Variants in COBLL1 observed in about 807,000 individuals in gnomAD.
COBLL1 encodes cordon-bleu protein-like 1.
COBLL1 carries 50 observed loss-of-function variants against 94.8 expected under a neutral mutation model. That is an observed-to-expected ratio of 0.53 (90% CI 0.42 to 0.67). The LOEUF is 0.67. Among genes scored for constraint, COBLL1 ranks in the 30% least tolerant of loss-of-function variants. The pLI is 0.00. For missense variants in COBLL1, 1,362 were observed against 1,348.7 expected (o/e 1.01, Z -0.15); for synonymous variants, 448 against 473.8 (o/e 0.95, Z 0.71).
chr2:164,814,119 A>C (rs146866689), intron 2 of COBLL1, among the ~76,000 whole-genome samples: 21 of 152,326 alleles, frequency 1.4e-4, no homozygotes, highest in African/African-American at 4.8e-4. Flanking sequence ...ATATAATTTA[A>C]ATAGATGAAT....
intron 1 of COBLL1, among the ~76,000 whole-genome samples, chr2:164,669,264 G>C (rs528289251): frequency 1.3e-5 from 2 of 151,942 alleles, no homozygotes; most frequent in Non-Finnish European, 2.9e-5. Flanking sequence ...AATATTATGC[G>C]GGAATAAATA....
intron 2 of COBLL1, among the ~76,000 whole-genome samples, chr2:164,783,185 T>G: frequency 6.6e-6 from 1 of 152,138 alleles, no homozygotes; most frequent in Non-Finnish European, 1.5e-5. Flanking sequence ...GAGAATCAGT[T>G]GAGCCCAGGA....
intron 2 of COBLL1, among the ~76,000 whole-genome samples, chr2:164,829,359 A>G (rs966607033): frequency 2.0e-5 from 3 of 152,148 alleles, no homozygotes; most frequent in Non-Finnish European, 4.4e-5. Flanking sequence ...TTCTTCTACC[A>G]TCAGAAACTG....
chr2:164,806,061 A>T (rs1243110564), intron 2 of COBLL1, among the ~76,000 whole-genome samples: 1 of 152,048 alleles, frequency 6.6e-6, no homozygotes, highest in Non-Finnish European at 1.5e-5. Context: ...CAATTTCTTA[A>T]ATGTTTTTAT....
intron 9 of COBLL1, among the ~76,000 whole-genome samples, chr2:164,703,418 T>C (rs1684420519): frequency 1.3e-5 from 2 of 152,220 alleles, no homozygotes; most frequent in African/African-American, 4.8e-5. Context: ...CACTCCTTTT[T>C]ATAATATTTC....
chr2:164,730,764 G>C (rs1265518228), intron 3 of COBLL1, among the ~76,000 whole-genome samples: 1 of 152,150 alleles, frequency 6.6e-6, no homozygotes, highest in East Asian at 1.9e-4. Flanking sequence ...AACATTGGCA[G>C]TCTTTAGCTT....
At chr2:164,706,029 C>T (rs768929832) in intron 7 of COBLL1, among the ~76,000 whole-genome samples, 2 of 152,042 alleles carry the variant, frequency 1.3e-5, no homozygotes, top group Admixed American at 6.6e-5. Context: ...AGTGAAACTC[C>T]ATCTTGAAAA....
At chr2:164,769,918 T>C (rs1453122958) in intron 2 of COBLL1, among the ~76,000 whole-genome samples, 1 of 152,146 alleles carries the variant, frequency 6.6e-6, no homozygotes, top group African/African-American at 2.4e-5. Flanking sequence ...ATAAAAAGTC[T>C]CAAATGTTAC....
At chr2:164,768,907 C>T (rs1179962019) in intron 2 of COBLL1, among the ~76,000 whole-genome samples, 1 of 152,050 alleles carries the variant, frequency 6.6e-6, no homozygotes, top group Non-Finnish European at 1.5e-5. Flanking sequence ...TAAATGTTTC[C>T]ATACAAGCAA....
chr2:164,838,668 G>C (rs1488897806), intron 2 of COBLL1, among the ~76,000 whole-genome samples: 1 of 152,114 alleles, frequency 6.6e-6, no homozygotes, highest in East Asian at 1.9e-4. Context: ...ATAAAATGTG[G>C]AGAACAAAAC....
At chr2:164,833,182 C>T (rs987355066) in intron 2 of COBLL1, among the ~76,000 whole-genome samples, 5 of 151,868 alleles carry the variant, frequency 3.3e-5, no homozygotes, top group African/African-American at 1.2e-4. Context: ...AGCTGGACAA[C>T]ATCTCTCCAA....
chr2:164,833,449 A>ATTT (rs371370712), intron 2 of COBLL1, among the ~76,000 whole-genome samples: 3,288 of 138,470 alleles, frequency 0.024, 150 homozygotes, highest in African/African-American at 0.084. Context: ...CTGCCTTTAC[A>ATTT]TTTTTTTTTT....
intron 11 of COBLL1, chr2:164,697,099 C>A (rs1398650891): frequency 6.6e-6 from 1 of 152,082 alleles, no homozygotes; most frequent in Non-Finnish European, 1.5e-5. Context: ...AGAAAAATAT[C>A]ATGTTAGGTA....
chr2:164,780,644 C>T (rs941175638), intron 2 of COBLL1, among the ~76,000 whole-genome samples: 5 of 152,128 alleles, frequency 3.3e-5, no homozygotes, highest in African/African-American at 2.4e-5. Flanking sequence ...ATCACCACAG[C>T]GAATGGACAA....
intron 1 of COBLL1, among the ~76,000 whole-genome samples, chr2:164,670,922 C>T (rs1558903804): frequency 6.6e-6 from 1 of 152,204 alleles, no homozygotes; most frequent in Non-Finnish European, 1.5e-5. Context: ...ATTCTAGTGC[C>T]TGCCAAGTCC....
At chr2:164,800,439 A>T in intron 2 of COBLL1, 1 of 646,418 alleles carries the variant, frequency 1.5e-6, no homozygotes, top group South Asian at 1.8e-5. Flanking sequence ...GAGGATGCAG[A>T]TCAAATAAAA....
At chr2:164,806,835 G>T (rs1196951614) in intron 2 of COBLL1, among the ~76,000 whole-genome samples, 1 of 152,086 alleles carries the variant, frequency 6.6e-6, no homozygotes, top group East Asian at 1.9e-4. Context: ...GAGTAGCAGG[G>T]TCTACAAGCA....
chr2:164,695,133 T>A lies in COBLL1; in HGVS notation c.2259A>T (p.Ile753=). The A allele has an allele frequency of 6.2e-7, 1 of 1,613,968 alleles. No individual in the cohort carries two copies. The highest frequency in any genetic ancestry group is 8.5e-7 in the Non-Finnish European group (1 of 1,179,942). Reference sequence around the variant, plus strand: ...GCATGTCCTGATCATCTTTATACTCTATGGTTTCTGATTGCCAGTCTTTCG... The same window carrying A: ...GCATGTCCTGATCATCTTTATACTCAATGGTTTCTGATTGCCAGTCTTTCG... The part of the protein sequence containing the change: ...EISKDWQSET[I]EYKDDQDMHA... The change falls in exon 12 of 14, where the codon ATA becomes ATT. Residue 753 remains isoleucine, a synonymous_variant. Coordinates refer to ENST00000652658, the MANE Select transcript of COBLL1 (RefSeq NM_001365672.2).
intron 2 of COBLL1, among the ~76,000 whole-genome samples, chr2:164,818,204 ATG>A (rs746910102): frequency 8.6e-5 from 13 of 150,566 alleles, no homozygotes; most frequent in East Asian, 3.9e-4. Flanking sequence ...ATGTATACAT[ATG>A]TGTGTATATA....
Sources: allele counts gnomAD v4.1 joint callset (sites outside exome capture counted in the v4.1 genomes callset), GRCh38; gene constraint gnomAD v4.1.1; transcripts MANE v1.5; gene names NCBI Gene and HGNC (gene_info 2026-07-23, HGNC 2026-07-21).